Variants in SCARF2 observed in about 807,000 individuals in gnomAD.
SCARF2 encodes scavenger receptor class F member 2.
In SCARF2, 39 loss-of-function variants were observed where a neutral mutation model predicts 73.4. The observed-to-expected ratio is 0.53, with a 90% CI of 0.41 to 0.69. The LOEUF is 0.69. Ranked by LOEUF, SCARF2 falls within the 30% of genes least tolerant of loss-of-function variation. SCARF2 has a pLI of 0.00. For missense variants in SCARF2, 1,148 were observed against 1,303.5 expected, an observed-to-expected ratio of 0.88 and a Z score of 1.84; for synonymous variants, 605 against 590.0, an observed-to-expected ratio of 1.03 and a Z score of -0.37.
intron 9 of SCARF2, among the ~76,000 whole-genome samples, chr22:20,427,844 T>C (rs2052597392): frequency 6.6e-6 from 1 of 152,126 alleles, no homozygotes; most frequent in Non-Finnish European, 1.5e-5. Context: ...GCCAGAAAGG[T>C]GGGAGACGGG....
At chr22:20,436,968 A>G (rs2052707163) in intron 1 of SCARF2, among the ~76,000 whole-genome samples, 1 of 152,068 alleles carries the variant, frequency 6.6e-6, no homozygotes, top group African/African-American at 2.4e-5. Flanking sequence ...GGTTGTCGCC[A>G]GGGTTCCCAC....
At chr22:20,426,504 G>C (rs1569106055) in intron 10 of SCARF2, among the ~76,000 whole-genome samples, 1 of 152,248 alleles carries the variant, frequency 6.6e-6, no homozygotes, top group Admixed American at 6.5e-5. Context: ...GGAGTGATGG[G>C]CGCATTCCCG....
At chr22:20,427,297 T>A (rs927412349) in intron 10 of SCARF2, 101 bp downstream of exon 10, 2 of 1,439,886 alleles carry the variant, frequency 1.4e-6, no homozygotes, top group African/African-American at 2.8e-5. Flanking sequence ...GGCCTTCCTC[T>A]CCATGCTGCC....
In SCARF2 at chr22:20,424,905, A is replaced by C; in HGVS notation, c.*470T>G. On this transcript the variant is annotated 3_prime_UTR_variant, in exon 11 of 11. Coordinates refer to ENST00000622235, the MANE Select transcript of SCARF2 (RefSeq NM_182895.5). ...GCCCGGGAGCCTGGCCAGTGGAAGT[A>C]GCCCCGGGCTCTATTGGGACGGCCA... The C allele has an allele frequency of 6.5e-6, 1 of 154,254 alleles. No individual in the cohort carries two copies. Among genetic ancestry groups the C allele is most frequent in the African/African-American group, 2.4e-5 (1 of 41,656 alleles). The allele number at this position is 154,254 out of a possible 1,614,324, so 9.6% of individuals were successfully genotyped here.
At chr22:20,436,338 G>A (rs1331668908) in intron 1 of SCARF2, among the ~76,000 whole-genome samples, 1 of 152,124 alleles carries the variant, frequency 6.6e-6, no homozygotes, top group African/African-American at 2.4e-5. Flanking sequence ...GCTGGAGTGA[G>A]TAGACAGAGA....
At position 20,426,361 on chromosome 22, in the gene SCARF2, C is replaced by G. The variant is rs2052578940; in HGVS notation, c.1694-79G>C. 9 of 1,462,786 alleles carry G rather than the reference C, an allele frequency of 6.2e-6. No homozygotes were observed. In the East Asian group the frequency reaches 2.3e-4, roughly 37 times the overall value. 90.6% of individuals were successfully genotyped at this position (1,462,786 alleles called of 1,614,324 possible). A position where few individuals can be genotyped will look rare whatever the true frequency, so the allele number is the denominator to read the frequency against. On this transcript the variant is annotated intron_variant, in intron 10 of 10. Coordinates refer to ENST00000622235, the MANE Select transcript of SCARF2 (RefSeq NM_182895.5). Reference sequence around the variant, plus strand: ...CCAACCTCCAGGCGCAAACCTTCACCTTTCCTCCTCTACCCACGCCCTTGG... The same window carrying G: ...CCAACCTCCAGGCGCAAACCTTCACGTTTCCTCCTCTACCCACGCCCTTGG...
At position 20,430,554 on chromosome 22, in the gene SCARF2, G is replaced by A. The variant is rs758545375; in HGVS notation, c.1077C>T (p.Cys359=). 4 of 1,611,686 alleles carry A rather than the reference G, an allele frequency of 2.5e-6. No homozygotes were observed. In the East Asian group the frequency reaches 8.9e-5, roughly 36 times the overall value. ...RCNAGWIGDR[C]ETKCSNGTYG... is the part of the protein sequence containing the mutation. ...AAGTGCCATTGCTACACTTGGTCTC[G>A]CACCTTGGAAAGAGGGGAGGAGGCG... The change falls in exon 6 of 11, where the codon TGC becomes TGT. Residue 359 remains cysteine (C), a synonymous_variant. Transcript: ENST00000622235.
Position 20,430,567 on chromosome 22 carries a change from A to T in SCARF2, c.1074-10T>A, listed in dbSNP as rs778031196. On this transcript the variant is annotated splice_polypyrimidine_tract_variant and intron_variant, in intron 5 of 10. Coordinates refer to ENST00000622235, the MANE Select transcript of SCARF2 (RefSeq NM_182895.5). ...ACACTTGGTCTCGCACCTTGGAAAG[A>T]GGGGAGGAGGCGTCAGCAGAAATGG... The T allele has an allele frequency of 8.7e-6, 14 of 1,611,924 alleles. No individual in the cohort carries two copies. The highest frequency in any genetic ancestry group is 1.3e-5 in the African/African-American group (1 of 74,924).
intron 9 of SCARF2, among the ~76,000 whole-genome samples, chr22:20,428,821 G>A (rs986315796): frequency 2.0e-4 from 30 of 152,220 alleles, no homozygotes; most frequent in African/African-American, 7.2e-4. Context: ...TGCTGGGGAT[G>A]TAGGCAGGAG....
Position 20,437,631 on chromosome 22 carries a change from C to G in SCARF2, c.124G>C (p.Ala42Pro), listed in dbSNP as rs1405983859. 1 of 1,563,366 alleles carries G rather than the reference C, an allele frequency of 6.4e-7. No homozygotes were observed. The highest frequency in any genetic ancestry group is 1.8e-5 in the Admixed American group (1 of 55,692). Reference protein sequence around the residue: ...LLLWMLPDTVAPQELNPRGRN... With the variant: ...LLLWMLPDTVPPQELNPRGRN... ...CCGCGAGGGTTCAGTTCCTGAGGCG[C>G]CACGGTGTCCGGCAGCATCCAGAGC... Residue 42 changes from alanine to proline, a missense_variant, in exon 1 of 11, where the codon GCG becomes CCG. Transcript: ENST00000622235.
chr22:20,436,783 C>A (rs1262363345), intron 1 of SCARF2, among the ~76,000 whole-genome samples: 4 of 152,164 alleles, frequency 2.6e-5, no homozygotes, highest in African/African-American at 9.7e-5. Context: ...CCCACCGGCT[C>A]CCCCGACCCC....
intron 9 of SCARF2, among the ~76,000 whole-genome samples, chr22:20,428,357 G>A (rs548233165): frequency 1.3e-5 from 2 of 151,318 alleles, no homozygotes; most frequent in Non-Finnish European, 2.9e-5. Flanking sequence ...GTGCGATCTC[G>A]GCTCACTGCA....
Position 20,426,089 on chromosome 22 carries a change from G to C in SCARF2, c.1887C>G (p.Arg629=), listed in dbSNP as rs925727207. 2 of 1,511,694 alleles carry C rather than the reference G, an allele frequency of 1.3e-6. No homozygotes were observed. The highest frequency in any genetic ancestry group is 1.4e-5 in the African/African-American group (1 of 69,650). 93.6% of individuals were successfully genotyped at this position (1,511,694 alleles called of 1,614,324 possible). Residue 629 remains arginine, a synonymous_variant, in exon 11 of 11, where the codon CGC becomes CGG. Coordinates refer to ENST00000622235, the MANE Select transcript of SCARF2 (RefSeq NM_182895.5). ...GGALYARVAR[R]EARPARARGE... is the part of the protein sequence containing the mutation. ...CCCGGGCCCGGGCCGGCCGGGCCTC[G>C]CGTCGGGCCACGCGCGCGTACAGAG...
chr22:20,427,652 G>T, intron 9 of SCARF2, 102 bp from the exon 10 acceptor site: 1 of 1,412,160 alleles, frequency 7.1e-7, no homozygotes, highest in Non-Finnish European at 9.7e-7. Flanking sequence ...ACCAAGACCA[G>T]CCCTATTCTT....
chr22:20,430,723 C>G lies in SCARF2; in HGVS notation c.1040G>C (p.Cys347Ser). 1 of 1,606,422 alleles carries G rather than the reference C, an allele frequency of 6.2e-7. No homozygotes were observed. The highest frequency in any genetic ancestry group is 8.5e-7 in the Non-Finnish European group (1 of 1,177,002). Residue 347 changes from cysteine to serine, a missense_variant, in exon 5 of 11, where the codon TGT (cysteine) becomes TCT (serine). Physicochemically the swap from Cys to Ser is moderately radical, Grantham distance 112 (BLOSUM62 -1). Transcript: ENST00000622235. ...GATCCAGCCCGCGTTGCAGCGCGTA[C>G]ACTTGCCGGTGACATGGTTACAGGC... Reference protein sequence around the residue: ...GHACNHVTGKCTRCNAGWIGD... With the variant: ...GHACNHVTGKSTRCNAGWIGD...
intron 9 of SCARF2, among the ~76,000 whole-genome samples, chr22:20,427,875 G>GAA (rs1234110695): frequency 6.6e-6 from 1 of 152,204 alleles, no homozygotes; most frequent in Admixed American, 6.5e-5. Context: ...ACACCTGGCT[G>GAA]GGACAGGCCA....
At position 20,429,822 on chromosome 22, in the gene SCARF2, G is replaced by T. The variant is rs776615693; in HGVS notation, c.1214C>A (p.Thr405Lys). Residue 405 changes from threonine to lysine, a missense_variant, in exon 7 of 11, where the codon ACG becomes AAG. Physicochemically the swap from Thr to Lys is moderately conservative, Grantham distance 78. This residue lies in a region of SCARF2 where 372 missense variants were observed against 532.0 expected (regional missense o/e 0.70). Coordinates refer to ENST00000622235, the MANE Select transcript of SCARF2 (RefSeq NM_182895.5). The surrounding 1 kb of genome is among the most constrained non-coding windows in gnomAD (Gnocchi z 5.2). ...PGVHGPHCNV[T>K]CPPGLHGADC... ...CGCGCCGTGGAGTCCGGGCGGGCAC[G>T]TCACGTTACAGCTGCCGGGACATAG... 8.1e-6 allele frequency: 13 copies of T among 1,612,650 alleles called. No homozygotes were observed. The highest frequency in any genetic ancestry group is 1.6e-4 in the Middle Eastern group (1 of 6,078).
Position 20,430,472 on chromosome 22 carries a change from G to A in SCARF2, c.1159C>T (p.Gln387Ter), listed in dbSNP as rs1210146469. The change falls in exon 6 of 11, where the codon CAG (glutamine) becomes TAG (stop). Residue 387 changes from glutamine to a stop codon, truncating the protein, a stop_gained. Transcript: ENST00000622235. LOFTEE classifies it high-confidence loss of function. ...ADCGSGHCDF[Q>*]SGRCLCSPGV... ...GGGCTGCACAGGCAGCGCCCCGACTGGAAGTCGCAGTGTCCGCTGCCGCAG... is the reference window on the plus strand; with the variant it reads ...GGGCTGCACAGGCAGCGCCCCGACTAGAAGTCGCAGTGTCCGCTGCCGCAG... 6.3e-7 allele frequency: 1 copy of A among 1,595,520 alleles called. No individual in the cohort carries two copies. Among genetic ancestry groups the A allele is most frequent in the Non-Finnish European group, 8.5e-7 (1 of 1,172,032 alleles).
At chr22:20,435,768 A>G (rs1319576978) in intron 1 of SCARF2, among the ~76,000 whole-genome samples, 1 of 152,246 alleles carries the variant, frequency 6.6e-6, no homozygotes, top group Non-Finnish European at 1.5e-5. Context: ...CTCTTGCTAG[A>G]TGTCTAGACA....
Sources: allele counts gnomAD v4.1 joint callset (sites outside exome capture counted in the v4.1 genomes callset), GRCh38; gene constraint gnomAD v4.1.1; regional missense constraint gnomAD v4.1.1; non-coding constraint Gnocchi (gnomAD v3.1); transcripts MANE v1.5; gene names NCBI Gene and HGNC (gene_info 2026-07-23, HGNC 2026-07-21).